The following NRXN3 variants were observed in gnomAD, a reference collection of about 807,000 sequenced individuals.
The protein encoded by NRXN3 is neurexin III.
Under a neutral mutation model 137.6 loss-of-function variants are expected in NRXN3, and 32 were observed. The observed-to-expected ratio is 0.23, with a 90% confidence interval of 0.18 to 0.31. NRXN3 has a LOEUF of 0.31. NRXN3 is among the 10% of genes least tolerant of loss of function. The pLI, the probability that NRXN3 is intolerant of heterozygous loss-of-function variation, is 1.00. For missense variants in NRXN3, 1,574 were observed against 2,062.5 expected, an observed-to-expected ratio of 0.76 and a Z score of 4.59; for synonymous variants, 798 against 784.5, an observed-to-expected ratio of 1.02 and a Z score of -0.29.
intron 10 of NRXN3, among the ~76,000 whole-genome samples, chr14:78,850,254 C>T (rs559775732): frequency 1.4e-4 from 21 of 152,086 alleles, no homozygotes; most frequent in South Asian, 2.1e-4. Context: ...TTTACAGATG[C>T]GAGAACAAGC....
At chr14:79,186,095 G>A (rs1318691839) in intron 15 of NRXN3, among the ~76,000 whole-genome samples, 1 of 152,132 alleles carries the variant, frequency 6.6e-6, no homozygotes, top group East Asian at 1.9e-4. Flanking sequence ...TGGATAAAAT[G>A]TTCTGATACA....
chr14:79,166,420 C>T (rs1273424018), intron 15 of NRXN3, among the ~76,000 whole-genome samples: 3 of 151,160 alleles, frequency 2.0e-5, no homozygotes, highest in Non-Finnish European at 4.4e-5. Context: ...GTCACACAAA[C>T]GTTCATCTAT....
chr14:78,593,804 G>A (rs1262495858), intron 4 of NRXN3, among the ~76,000 whole-genome samples: 5 of 152,138 alleles, frequency 3.3e-5, no homozygotes, highest in Non-Finnish European at 7.3e-5. Flanking sequence ...CTTCGAGAGT[G>A]ACTTGGGCTT....
intron 19 of NRXN3, among the ~76,000 whole-genome samples, chr14:79,756,710 AGT>A (rs1164230141): frequency 1.3e-5 from 2 of 152,178 alleles, no homozygotes; most frequent in Non-Finnish European, 2.9e-5. Context: ...ATCCAGTCAA[AGT>A]GCTCCCAATA....
At chr14:78,430,204 C>G (rs1239445129) in intron 4 of NRXN3, among the ~76,000 whole-genome samples, 1 of 152,186 alleles carries the variant, frequency 6.6e-6, no homozygotes, top group Non-Finnish European at 1.5e-5. Context: ...CACCACTGCA[C>G]TCTAGCCTGG....
intron 15 of NRXN3, chr14:79,299,058 T>A (rs2084692064): frequency 6.6e-6 from 1 of 152,384 alleles, no homozygotes; most frequent in African/African-American, 2.4e-5. Flanking sequence ...TAAACATTTT[T>A]ATCTTGATTT....
intron 15 of NRXN3, among the ~76,000 whole-genome samples, chr14:79,094,979 A>AGAGAGAGTGTGTGTGTGT (rs553957969): frequency 1.0e-3 from 119 of 115,926 alleles, no homozygotes; most frequent in African/African-American, 3.6e-3. Context: ...AGAGAGAGAG[A>AGAGAGAGTGTGTGTGTGT]GTGTGTGTGT....
chr14:79,559,991 C>T (rs905609422), intron 16 of NRXN3, among the ~76,000 whole-genome samples: 25 of 151,518 alleles, frequency 1.6e-4, no homozygotes, highest in African/African-American at 4.4e-4. Flanking sequence ...GTGTGTGTAA[C>T]GTCTTGAGTA....
chr14:79,077,640 T>C (rs1473250688), intron 15 of NRXN3, among the ~76,000 whole-genome samples: 1 of 152,198 alleles, frequency 6.6e-6, no homozygotes, highest in East Asian at 1.9e-4. Flanking sequence ...AATTAAACTA[T>C]AACTGGAATG....
chr14:79,331,448 A>G (rs963572889), intron 15 of NRXN3, among the ~76,000 whole-genome samples: 2 of 152,212 alleles, frequency 1.3e-5, no homozygotes, highest in African/African-American at 4.8e-5. Context: ...CCTGACTGTT[A>G]TTAGACAGAG....
chr14:79,835,930 A>G (rs2099341038), intron 20 of NRXN3, among the ~76,000 whole-genome samples: 1 of 152,160 alleles, frequency 6.6e-6, no homozygotes, highest in Non-Finnish European at 1.5e-5. Context: ...GGCCACTGGT[A>G]GGAGGATGCA....
At chr14:79,140,992 T>G (rs1186385940) in intron 15 of NRXN3, among the ~76,000 whole-genome samples, 1 of 152,214 alleles carries the variant, frequency 6.6e-6, no homozygotes, top group Non-Finnish European at 1.5e-5. Flanking sequence ...TAGGTACATA[T>G]TTTAAAAACA....
chr14:78,892,753 A>C (rs557139230), intron 10 of NRXN3, among the ~76,000 whole-genome samples: 2 of 145,406 alleles, frequency 1.4e-5, no homozygotes, highest in South Asian at 4.4e-4. Flanking sequence ...AATTTCAACA[A>C]CTCGGTAATG....
chr14:78,519,247 T>G (rs985011731), intron 4 of NRXN3, among the ~76,000 whole-genome samples: 10 of 152,136 alleles, frequency 6.6e-5, no homozygotes, highest in Non-Finnish European at 1.2e-4. Context: ...AAAGACCACT[T>G]TGGCAAACCG....
intron 15 of NRXN3, among the ~76,000 whole-genome samples, chr14:79,151,494 G>A (rs761594085): frequency 6.6e-6 from 1 of 152,032 alleles, no homozygotes; most frequent in Non-Finnish European, 1.5e-5. Context: ...AATACTGATT[G>A]ATGCCACGAA....
intron 4 of NRXN3, among the ~76,000 whole-genome samples, chr14:78,431,239 A>G (rs532814782): frequency 3.9e-4 from 59 of 152,294 alleles, no homozygotes; most frequent in African/African-American, 1.3e-3. Flanking sequence ...CATTCAAATA[A>G]TGTTTATGGA....
chr14:78,647,632 G>A (rs1399521170), intron 5 of NRXN3, among the ~76,000 whole-genome samples: 3 of 152,200 alleles, frequency 2.0e-5, no homozygotes, highest in Non-Finnish European at 4.4e-5. Flanking sequence ...TTGGCAGAGG[G>A]AGTATTAATC....
At chr14:78,554,634 G>A (rs2096721794) in intron 4 of NRXN3, among the ~76,000 whole-genome samples, 1 of 152,150 alleles carries the variant, frequency 6.6e-6, no homozygotes, top group African/African-American at 2.4e-5. Context: ...GACCTTCTGA[G>A]TTGGCTCTAC....
chr14:79,533,088 T>TCTTATA (rs3062525), intron 16 of NRXN3, among the ~76,000 whole-genome samples: 140,483 of 151,844 alleles, frequency 0.93, 65,006 homozygotes, highest in South Asian at 0.95. Flanking sequence ...TTTAATAATT[T>TCTTATA]CTTATCAAGT....
Sources: allele counts gnomAD v4.1 joint callset (sites outside exome capture counted in the v4.1 genomes callset), GRCh38; gene constraint gnomAD v4.1.1; transcripts MANE v1.5; gene names NCBI Gene and HGNC (gene_info 2026-07-23, HGNC 2026-07-21).